Variants in RELN observed in about 807,000 individuals in gnomAD.
RELN encodes the protein reelin.
RELN carries 108 observed loss-of-function variants against 427.6 expected under a neutral mutation model. The observed-to-expected ratio is 0.25, with a 90% CI of 0.22 to 0.30. RELN has a LOEUF of 0.30. Among genes scored for constraint, RELN ranks in the 10% least tolerant of loss-of-function variants. RELN has a pLI of 1.00. For missense variants in RELN, 3,715 were observed against 4,302.8 expected, an observed-to-expected ratio of 0.86 and a Z score of 3.82; for synonymous variants, 1,524 against 1,513.4, an observed-to-expected ratio of 1.01 and a Z score of -0.16.
At chr7:103,690,278 G>T (rs727709) in intron 10 of RELN, among the ~76,000 whole-genome samples, 5 of 151,726 alleles carry the variant, frequency 3.3e-5, no homozygotes, top group African/African-American at 1.2e-4. Flanking sequence ...TAAATGGAAG[G>T]AGTGAAAAAA....
At chr7:103,687,402 G>T (rs1833785624) in intron 10 of RELN, among the ~76,000 whole-genome samples, 1 of 152,234 alleles carries the variant, frequency 6.6e-6, no homozygotes, top group Non-Finnish European at 1.5e-5. Flanking sequence ...TTGAAAGTTA[G>T]AGCTATTTGA....
At chr7:103,736,844 C>T (rs954995777) in intron 6 of RELN, among the ~76,000 whole-genome samples, 2 of 152,132 alleles carry the variant, frequency 1.3e-5, no homozygotes, top group Admixed American at 6.6e-5. Context: ...TAGTTGGACA[C>T]CCCCTGGTTA....
At chr7:103,624,386 C>T (rs1041345072) in intron 20 of RELN, among the ~76,000 whole-genome samples, 1 of 152,096 alleles carries the variant, frequency 6.6e-6, no homozygotes, top group Non-Finnish European at 1.5e-5. Context: ...CCCACCACAT[C>T]GTCACATACC....
intron 20 of RELN, among the ~76,000 whole-genome samples, chr7:103,612,464 A>G (rs1483418261): frequency 6.6e-6 from 1 of 151,990 alleles, no homozygotes; most frequent in Non-Finnish European, 1.5e-5. Context: ...TAGTAGAGAC[A>G]GTGTTTCTCC....
chr7:103,732,464 G>T (rs671372), intron 6 of RELN, among the ~76,000 whole-genome samples: 63,903 of 151,622 alleles, frequency 0.42, 13,948 homozygotes, highest in Non-Finnish European at 0.49. Context: ...ATAAAGTATT[G>T]TACAACTACA....
At chr7:103,889,178 C>T (rs1794790324) in intron 2 of RELN, among the ~76,000 whole-genome samples, 1 of 152,162 alleles carries the variant, frequency 6.6e-6, no homozygotes, top group African/African-American at 2.4e-5. Context: ...CCCTAAGATC[C>T]CAGACTGCTT....
At chr7:103,688,526 T>C (rs1317493115) in intron 10 of RELN, among the ~76,000 whole-genome samples, 1 of 152,128 alleles carries the variant, frequency 6.6e-6, no homozygotes, top group Non-Finnish European at 1.5e-5. Context: ...AAAGGTGAAT[T>C]CTACCTTGAG....
chr7:103,787,039 G>C (rs1338084278), intron 3 of RELN, among the ~76,000 whole-genome samples: 1 of 152,114 alleles, frequency 6.6e-6, no homozygotes, highest in African/African-American at 2.4e-5. Flanking sequence ...TCAGCATTAA[G>C]AAACTCACTC....
intron 6 of RELN, among the ~76,000 whole-genome samples, chr7:103,739,549 G>C (rs1164701437): frequency 6.6e-6 from 1 of 152,222 alleles, no homozygotes; most frequent in Admixed American, 6.5e-5. Context: ...CATTGGAATT[G>C]ATGCAATTCA....
chr7:103,630,294 A>G (rs935745805), intron 19 of RELN, 118 bp from the exon 20 acceptor site: 1 of 734,464 alleles, frequency 1.4e-6, no homozygotes, highest in Non-Finnish European at 2.3e-6. Flanking sequence ...TCCCATGATT[A>G]TAAACATTTT....
At chr7:103,540,643 T>A (rs1830158004) in intron 43 of RELN, among the ~76,000 whole-genome samples, 188 bp from the exon 44 acceptor site, 1 of 152,112 alleles carries the variant, frequency 6.6e-6, no homozygotes. Flanking sequence ...GTTAATTAAA[T>A]GTGAAGTCTG....
intron 41 of RELN, among the ~76,000 whole-genome samples, chr7:103,549,637 C>G (rs758040123): frequency 1.2e-4 from 18 of 152,104 alleles, no homozygotes; most frequent in Non-Finnish European, 2.2e-4. Flanking sequence ...TTAAGAGCTC[C>G]AGAAAATGAA....
At chr7:103,908,458 G>T (rs1795266731) in intron 2 of RELN, among the ~76,000 whole-genome samples, 1 of 152,106 alleles carries the variant, frequency 6.6e-6, no homozygotes, top group Non-Finnish European at 1.5e-5. Context: ...TAAGTATGTT[G>T]CTCAAGTTAG....
intron 20 of RELN, chr7:103,628,383 AAAAACAAAAC>A (rs1222116885): frequency 1.3e-5 from 2 of 152,294 alleles, no homozygotes; most frequent in Non-Finnish European, 2.9e-5. Context: ...TCTGTCTCAG[AAAAACAAAAC>A]AAAACAAAAC....
At chr7:103,700,240 T>C (rs980977587) in intron 9 of RELN, among the ~76,000 whole-genome samples, 1 of 152,118 alleles carries the variant, frequency 6.6e-6, no homozygotes, top group South Asian at 2.1e-4. Context: ...CCATTTAGAA[T>C]TTTATTTCAT....
At chr7:103,665,050 C>T in intron 11 of RELN, among the ~76,000 whole-genome samples, 1 of 152,086 alleles carries the variant, frequency 6.6e-6, no homozygotes, top group Non-Finnish European at 1.5e-5. Context: ...ATATTTTCTT[C>T]TAAAAGTTTT....
chr7:103,685,855 C>G (rs1833754958), intron 10 of RELN, among the ~76,000 whole-genome samples: 2 of 152,062 alleles, frequency 1.3e-5, no homozygotes, highest in Admixed American at 6.6e-5. Context: ...AAATCATCAA[C>G]AGGAAACATC....
At chr7:103,545,976 T>TA (rs1830287690) in intron 41 of RELN, among the ~76,000 whole-genome samples, 1 of 151,654 alleles carries the variant, frequency 6.6e-6, no homozygotes, top group Non-Finnish European at 1.5e-5. Flanking sequence ...CTAACCTTTT[T>TA]TAAAAAAACT....
intron 28 of RELN, among the ~76,000 whole-genome samples, chr7:103,588,698 C>G (rs534507172): frequency 6.6e-6 from 1 of 152,278 alleles, no homozygotes; most frequent in Non-Finnish European, 1.5e-5. Context: ...GATTTTCAGA[C>G]AGCATATCCC....
Sources: allele counts gnomAD v4.1 joint callset (sites outside exome capture counted in the v4.1 genomes callset), GRCh38; gene constraint gnomAD v4.1.1; transcripts MANE v1.5; gene names NCBI Gene and HGNC (gene_info 2026-07-23, HGNC 2026-07-21).